TRPM3: variants seen among roughly 807,000 people sequenced by gnomAD.
The protein encoded by TRPM3 is long transient receptor potential channel 3.
TRPM3 carries 77 observed loss-of-function variants against 181.2 expected under a neutral mutation model. The observed-to-expected ratio is 0.42, with a 90% CI of 0.35 to 0.51. The LOEUF (loss-of-function observed/expected upper bound fraction) is 0.51. TRPM3 is among the 20% of genes least tolerant of loss of function. The pLI is 0.01. For synonymous variants in TRPM3, 745 were observed against 796.4 expected, an observed-to-expected ratio of 0.94 and a Z score of 1.09; for missense variants, 1,759 against 2,196.7, an observed-to-expected ratio of 0.80 and a Z score of 3.98.
At chr9:71,057,769 C>A (rs1333655479) in intron 1 of TRPM3, among the ~76,000 whole-genome samples, 2 of 151,954 alleles carry the variant, frequency 1.3e-5, no homozygotes, top group Non-Finnish European at 2.9e-5. Flanking sequence ...CTTCTCATGG[C>A]AATTTTTCAA....
intron 7 of TRPM3, chr9:70,774,969 T>A (rs1363313271): frequency 6.6e-6 from 1 of 152,230 alleles, no homozygotes. Context: ...AAGAAGCTTT[T>A]ATAGCATGTG....
chr9:71,409,840 T>C (rs1188406881), intron 1 of TRPM3, among the ~76,000 whole-genome samples: 1 of 152,098 alleles, frequency 6.6e-6, no homozygotes, highest in Non-Finnish European at 1.5e-5. Context: ...TATTCTAAAA[T>C]TGATCACACA....
chr9:70,949,427 C>T (rs2096972109), intron 1 of TRPM3, among the ~76,000 whole-genome samples: 1 of 151,970 alleles, frequency 6.6e-6, no homozygotes, highest in Non-Finnish European at 1.5e-5. Context: ...ACATGGAGAC[C>T]CACAAGGACT....
At chr9:70,697,948 C>T (rs1408146618) in intron 8 of TRPM3, among the ~76,000 whole-genome samples, 2 of 152,170 alleles carry the variant, frequency 1.3e-5, no homozygotes, top group Admixed American at 1.3e-4. Context: ...TGGCTCACAT[C>T]TGTAATCCCA....
At chr9:71,263,920 C>T (rs1006916210) in intron 1 of TRPM3, among the ~76,000 whole-genome samples, 10 of 152,158 alleles carry the variant, frequency 6.6e-5, no homozygotes, top group Non-Finnish European at 1.5e-5. Context: ...GCTGGGACCA[C>T]AGGTGCATGC....
At chr9:71,188,210 A>T (rs1285222472) in intron 1 of TRPM3, among the ~76,000 whole-genome samples, 2 of 151,916 alleles carry the variant, frequency 1.3e-5, no homozygotes, top group African/African-American at 4.8e-5. Flanking sequence ...TTCCTGAAAG[A>T]CTGCACCAAT....
At chr9:70,949,727 A>G (rs1461745919) in intron 1 of TRPM3, among the ~76,000 whole-genome samples, 22 of 152,092 alleles carry the variant, frequency 1.4e-4, no homozygotes, top group African/African-American at 5.1e-4. Flanking sequence ...AAAGGCAATA[A>G]ATGGGAAGTC....
At chr9:71,266,240 A>G (rs545626051) in intron 1 of TRPM3, among the ~76,000 whole-genome samples, 41 of 152,300 alleles carry the variant, frequency 2.7e-4, no homozygotes, top group African/African-American at 9.1e-4. Flanking sequence ...TCACAATTAT[A>G]TGATTCTGGG....
chr9:70,931,926 T>C (rs938380159), intron 1 of TRPM3, among the ~76,000 whole-genome samples: 2 of 152,178 alleles, frequency 1.3e-5, no homozygotes, highest in Non-Finnish European at 2.9e-5. Context: ...GCTAAAGGAT[T>C]TTCTCTTGGC....
At chr9:70,811,292 A>G (rs1361310429) in intron 6 of TRPM3, 8 of 1,488,852 alleles carry the variant, frequency 5.4e-6, no homozygotes, top group Non-Finnish European at 7.3e-6. Context: ...GTGGTTGCAT[A>G]CACATTTTAT....
chr9:70,672,823 T>C (rs1383979112), intron 9 of TRPM3, among the ~76,000 whole-genome samples: 1 of 152,150 alleles, frequency 6.6e-6, no homozygotes, highest in Admixed American at 6.5e-5. Context: ...TGTTCCACCA[T>C]CTTGCTGATG....
At chr9:71,123,924 G>A (rs1447683110), upstream of TRPM3, among the ~76,000 whole-genome samples, 1 of 152,152 alleles carries the variant, frequency 6.6e-6, no homozygotes, top group Non-Finnish European at 1.5e-5. Context: ...AAAAATGACA[G>A]CATCATTCTG....
chr9:70,993,478 T>C (rs2098496), intron 1 of TRPM3, among the ~76,000 whole-genome samples: 34,674 of 152,026 alleles, frequency 0.23, 4,705 homozygotes, highest in East Asian at 0.33. Context: ...TGGATGATCC[T>C]CCTATTGACT....
At chr9:70,682,285 G>A (rs1274242012) in intron 8 of TRPM3, among the ~76,000 whole-genome samples, 1 of 151,860 alleles carries the variant, frequency 6.6e-6, no homozygotes, top group Non-Finnish European at 1.5e-5. Flanking sequence ...ATAAATATAT[G>A]TATTACATGA....
intron 1 of TRPM3, among the ~76,000 whole-genome samples, chr9:71,230,395 G>T (rs2080975734): frequency 6.6e-6 from 1 of 151,990 alleles, no homozygotes; most frequent in Non-Finnish European, 1.5e-5. Context: ...ATAAGATCTA[G>T]TATTTGATAG....
At chr9:70,542,228 T>A (rs1008846783) in intron 25 of TRPM3, among the ~76,000 whole-genome samples, 1 of 152,196 alleles carries the variant, frequency 6.6e-6, no homozygotes, top group Non-Finnish European at 1.5e-5. Context: ...GAACTGATTC[T>A]GATCAAAGAA....
chr9:71,399,958 C>CAAA (rs1298045110), intron 1 of TRPM3, among the ~76,000 whole-genome samples: 1 of 152,100 alleles, frequency 6.6e-6, no homozygotes, highest in African/African-American at 2.4e-5. Context: ...TTCTCTGGAT[C>CAAA]AAAGCTAAGC....
chr9:71,400,823 G>A (rs1367760671), intron 1 of TRPM3, among the ~76,000 whole-genome samples: 3 of 148,344 alleles, frequency 2.0e-5, no homozygotes, highest in South Asian at 2.1e-4. Flanking sequence ...AAATTTTAAT[G>A]ACACAGAAAA....
intron 6 of TRPM3, among the ~76,000 whole-genome samples, chr9:70,821,360 G>T (rs1281553221): frequency 6.6e-6 from 1 of 152,178 alleles, no homozygotes; most frequent in Non-Finnish European, 1.5e-5. Flanking sequence ...GATAAATATA[G>T]AGGCTGGATG....
Sources: allele counts gnomAD v4.1 joint callset (sites outside exome capture counted in the v4.1 genomes callset), GRCh38; gene constraint gnomAD v4.1.1; transcripts MANE v1.5; gene names NCBI Gene and HGNC (gene_info 2026-07-23, HGNC 2026-07-21).